The following FBXL17 variants were observed in gnomAD, a reference collection of about 807,000 sequenced individuals.
The protein encoded by FBXL17 is F-box/LRR-repeat protein 17.
In FBXL17, 22 loss-of-function variants were observed where a neutral mutation model predicts 66.2. The ratio of observed to expected loss-of-function variants is 0.33; its 90% CI spans 0.24 to 0.47. The LOEUF is 0.47. Among genes scored for constraint, FBXL17 ranks in the 20% least tolerant of loss-of-function variants. The probability of loss-of-function intolerance (pLI) is 1.00; values close to 1 mark genes in which losing one functional copy is unlikely to be tolerated. For synonymous variants in FBXL17, 474 were observed against 400.5 expected (o/e 1.18, Z -2.19); for missense variants, 878 against 948.2 (o/e 0.93, Z 0.97).
chr5:108,093,754 T>A (rs1749271895), intron 6 of FBXL17, among the ~76,000 whole-genome samples: 1 of 152,180 alleles, frequency 6.6e-6, no homozygotes, highest in African/African-American at 2.4e-5. Flanking sequence ...GTAAGTACAA[T>A]AGAATAAGAT....
At chr5:107,914,946 A>T (rs889383004) in intron 7 of FBXL17, among the ~76,000 whole-genome samples, 1 of 152,174 alleles carries the variant, frequency 6.6e-6, no homozygotes, top group Non-Finnish European at 1.5e-5. Context: ...TGCTGTTTTT[A>T]CTAATTGCAA....
At chr5:108,344,200 A>G (rs1311252865) in intron 4 of FBXL17, among the ~76,000 whole-genome samples, 1 of 152,052 alleles carries the variant, frequency 6.6e-6, no homozygotes, top group Non-Finnish European at 1.5e-5. Context: ...AAGCCTGGAG[A>G]GGTGAATTTG....
chr5:108,014,866 C>A (rs1754319417), intron 7 of FBXL17, among the ~76,000 whole-genome samples: 1 of 152,144 alleles, frequency 6.6e-6, no homozygotes, highest in Admixed American at 6.6e-5. Flanking sequence ...AAAGTCACAT[C>A]TTACATGTCA....
intron 7 of FBXL17, among the ~76,000 whole-genome samples, chr5:108,018,653 A>G (rs1754473872): frequency 6.6e-6 from 1 of 152,090 alleles, no homozygotes; most frequent in Non-Finnish European, 1.5e-5. Flanking sequence ...CTGAAATCCT[A>G]ATGAAGAAGG....
At chr5:108,030,097 T>C (rs1490680747) in intron 6 of FBXL17, among the ~76,000 whole-genome samples, 1 of 152,176 alleles carries the variant, frequency 6.6e-6, no homozygotes, top group East Asian at 1.9e-4. Flanking sequence ...ACAAATATAT[T>C]TTTTCCTTAT....
intron 6 of FBXL17, among the ~76,000 whole-genome samples, chr5:108,081,536 A>G (rs1021750586): frequency 1.3e-5 from 2 of 151,856 alleles, no homozygotes; most frequent in Non-Finnish European, 2.9e-5. Context: ...CCTGGCTAAC[A>G]CGGTGAAACC....
At chr5:108,262,082 A>ATTTTTT (rs769903670) in intron 4 of FBXL17, among the ~76,000 whole-genome samples, 9 of 114,194 alleles carry the variant, frequency 7.9e-5, no homozygotes, top group African/African-American at 1.3e-4. Context: ...TTATTTATTT[A>ATTTTTT]TTTATTTTTT....
chr5:107,942,141 C>T (rs1423698124), intron 7 of FBXL17, among the ~76,000 whole-genome samples: 1 of 152,138 alleles, frequency 6.6e-6, no homozygotes, highest in Non-Finnish European at 1.5e-5. Context: ...GTAGGCAATA[C>T]CAGCACATCT....
intron 7 of FBXL17, among the ~76,000 whole-genome samples, chr5:107,899,725 C>T (rs1025790100): frequency 2.6e-5 from 4 of 152,120 alleles, no homozygotes; most frequent in Admixed American, 1.3e-4. Context: ...ATTTTCTAAA[C>T]GTAAGTTGTA....
At chr5:107,942,288 T>C (rs1481974802) in intron 7 of FBXL17, among the ~76,000 whole-genome samples, 4 of 151,980 alleles carry the variant, frequency 2.6e-5, no homozygotes, top group African/African-American at 9.7e-5. Flanking sequence ...AGAGCAGAGG[T>C]GGAGGGGAGA....
intron 7 of FBXL17, among the ~76,000 whole-genome samples, chr5:107,977,095 C>T (rs974558560): frequency 3.3e-5 from 5 of 152,118 alleles, no homozygotes; most frequent in Non-Finnish European, 7.4e-5. Context: ...TGGGTATAGG[C>T]AAGCAGGAGC....
At chr5:108,058,881 A>G (rs967932595) in intron 6 of FBXL17, among the ~76,000 whole-genome samples, 3 of 152,198 alleles carry the variant, frequency 2.0e-5, no homozygotes, top group African/African-American at 4.8e-5. Flanking sequence ...AACACTCAGT[A>G]TATTTGATGA....
intron 6 of FBXL17, among the ~76,000 whole-genome samples, chr5:108,028,210 A>C (rs529561445): frequency 2.0e-5 from 3 of 152,172 alleles, no homozygotes; most frequent in African/African-American, 7.2e-5. Flanking sequence ...AAATTCTGCA[A>C]CTCGAAACTG....
chr5:107,980,664 A>ATATATATATATATATTTTTT lies in FBXL17; in HGVS notation c.1822+40260_1822+40261insAAAAAATATATATATATATA. Among the ~76,000 whole-genome samples, 15 of 62,068 alleles carry ATATATATATATATATTTTTT rather than the reference A, an allele frequency of 2.4e-4. 2 individuals carry two copies. Among genetic ancestry groups the ATATATATATATATATTTTTT allele is most frequent in the African/African-American group, 8.2e-4 (8 of 9,748 alleles). The allele number at this position is 62,068 out of a possible 152,430, so 40.7% of individuals were successfully genotyped here. On this transcript the variant is annotated intron_variant, in intron 7 of 8. Coordinates refer to ENST00000542267, the MANE Select transcript of FBXL17 (RefSeq NM_001163315.3). ...TAAAATAATATATATATATATATAT[A>ATATATATATATATATTTTTT]TTTTTTTTTTGAGATGGAGTCTTGC...
chr5:108,115,874 A>G (rs1439965205), intron 6 of FBXL17, among the ~76,000 whole-genome samples: 1 of 152,192 alleles, frequency 6.6e-6, no homozygotes, highest in African/African-American at 2.4e-5. Context: ...TCTACTTTAA[A>G]AGCTGAGGCA....
intron 4 of FBXL17, among the ~76,000 whole-genome samples, chr5:108,293,087 CAAAAAAAAAACAAAA>C (rs762875413): frequency 2.2e-4 from 26 of 116,464 alleles, no homozygotes; most frequent in South Asian, 5.4e-4. Flanking sequence ...GACTCTGTCT[CAAAAAAAAAACAAAA>C]AAAAAAAAAC....
At chr5:108,016,143 GACA>G (rs1301561875) in intron 7 of FBXL17, among the ~76,000 whole-genome samples, 1 of 152,144 alleles carries the variant, frequency 6.6e-6, no homozygotes, top group Non-Finnish European at 1.5e-5. Flanking sequence ...CATAATCATG[GACA>G]AAGTGACCTC....
Position 108,267,203 on chromosome 5 carries a change from G to C in FBXL17, c.1507-42975C>G, listed in dbSNP as rs1023580053. Among the ~76,000 whole-genome samples, 7 of 151,960 alleles carry C rather than the reference G, an allele frequency of 4.6e-5. No individual in the cohort carries two copies. The East Asian group carries it at 1.4e-3, about 29-fold the overall frequency. On this transcript the variant is annotated intron_variant, in intron 4 of 8. Coordinates refer to ENST00000542267, the MANE Select transcript of FBXL17 (RefSeq NM_001163315.3). Reference sequence around the variant, plus strand: ...AAATCTAGTTGGCAATAAAGAACCAGTTTCCCTAAATAATAACGAAAAATC... The same window carrying C: ...AAATCTAGTTGGCAATAAAGAACCACTTTCCCTAAATAATAACGAAAAATC...
chr5:108,299,425 A>G (rs1758488436), intron 4 of FBXL17: 3 of 960,116 alleles, frequency 3.1e-6, no homozygotes, highest in African/African-American at 1.8e-5. Context: ...AATATGTACT[A>G]AAAAACAAAG....
Sources: gnomAD v4.1 joint callset for allele counts (sites outside exome capture counted in the v4.1 genomes callset) on GRCh38, gnomAD v4.1.1 for gene constraint, MANE v1.5 for transcripts, NCBI Gene and HGNC (gene_info 2026-07-23, HGNC 2026-07-21) for gene names.